DLC1: variants seen among roughly 807,000 people sequenced by gnomAD.
DLC1 encodes the protein DLC1 Rho GTPase activating protein, also known as rho GTPase-activating protein 7.
Under a neutral mutation model 140.3 loss-of-function variants are expected in DLC1, and 54 were observed. The observed-to-expected ratio is 0.38, with a 90% CI of 0.31 to 0.48. The LOEUF is 0.48. Among genes scored for constraint, DLC1 ranks in the 20% least tolerant of loss-of-function variants. The probability of loss-of-function intolerance (pLI) is 0.96; values close to 1 mark genes in which losing one functional copy is unlikely to be tolerated. For synonymous variants in DLC1, 986 were observed against 728.1 expected (o/e 1.35, Z -5.70); for missense variants, 2,536 against 1,907.0 (o/e 1.33, Z -6.14).
At chr8:13,300,742 G>A (rs1283721968) in intron 5 of DLC1, among the ~76,000 whole-genome samples, 1 of 152,164 alleles carries the variant, frequency 6.6e-6, no homozygotes, top group African/African-American at 2.4e-5. Context: ...ATGGACAAAT[G>A]GCCAGCCAGG....
chr8:13,406,863 T>C (rs539517141), intron 2 of DLC1, among the ~76,000 whole-genome samples: 1 of 152,326 alleles, frequency 6.6e-6, no homozygotes, highest in African/African-American at 2.4e-5. Flanking sequence ...ACAGTCTGCT[T>C]TTTTAATGAG....
chr8:13,403,231 T>A (rs1408091003), intron 2 of DLC1, among the ~76,000 whole-genome samples: 3 of 152,222 alleles, frequency 2.0e-5, no homozygotes, highest in Non-Finnish European at 4.4e-5. Flanking sequence ...TACATTTTTT[T>A]GTCATCATAA....
chr8:13,105,407 T>A (rs902289065), intron 7 of DLC1, among the ~76,000 whole-genome samples: 1 of 152,138 alleles, frequency 6.6e-6, no homozygotes, highest in African/African-American at 2.4e-5. Context: ...CCAGGCACTA[T>A]GCTAGGCACT....
In DLC1 at chr8:13,090,596, C is replaced by A. The variant is rs73552366; in HGVS notation, c.3856-126G>T. The A allele has an allele frequency of 9.4e-3, 10,064 of 1,066,194 alleles. 688 individuals carry two copies. The African/African-American group carries it at 0.14, about 15-fold the overall frequency. 66.0% of individuals were successfully genotyped at this position (1,066,194 alleles called of 1,614,324 possible). A position where few individuals can be genotyped will look rare whatever the true frequency, so the allele number is the denominator to read the frequency against. On this transcript the variant is annotated intron_variant, in intron 14 of 17. Coordinates refer to ENST00000276297, the MANE Select transcript of DLC1 (RefSeq NM_182643.3). ...TAAAGCAGTGCAGGCATCTTCCCGC[C>A]GGAGGTGGGCTATCATGCTGACCGC...
chr8:13,157,848 T>A (rs886846329), intron 5 of DLC1, among the ~76,000 whole-genome samples: 1 of 152,220 alleles, frequency 6.6e-6, no homozygotes, highest in Admixed American at 6.5e-5. Context: ...TGACGTTTTT[T>A]CCTCTCAATT....
At chr8:13,187,708 AT>A (rs1826465690) in intron 5 of DLC1, among the ~76,000 whole-genome samples, 1 of 152,190 alleles carries the variant, frequency 6.6e-6, no homozygotes, top group Non-Finnish European at 1.5e-5. Flanking sequence ...GAATGAGGAA[AT>A]TAATCAAAAT....
intron 1 of DLC1, among the ~76,000 whole-genome samples, chr8:13,580,620 G>A (rs1052510355): frequency 7.9e-5 from 12 of 152,202 alleles, no homozygotes; most frequent in African/African-American, 2.7e-4. Context: ...AAATATAGCT[G>A]AGATGACAAA....
At chr8:13,442,904 C>T (rs1379645528) in intron 2 of DLC1, among the ~76,000 whole-genome samples, 1 of 152,104 alleles carries the variant, frequency 6.6e-6, no homozygotes, top group African/African-American at 2.4e-5. Flanking sequence ...CACATGCACG[C>T]ATATGTTTAT....
chr8:13,442,299 G>A (rs551802516), intron 2 of DLC1, among the ~76,000 whole-genome samples: 1 of 152,154 alleles, frequency 6.6e-6, no homozygotes, highest in Non-Finnish European at 1.5e-5. Flanking sequence ...CATGGGCAAG[G>A]ACTTCATGTC....
chr8:13,454,195 T>C (rs933127946), intron 2 of DLC1, among the ~76,000 whole-genome samples: 1 of 152,116 alleles, frequency 6.6e-6, no homozygotes, highest in Non-Finnish European at 1.5e-5. Context: ...CTGAGAATCA[T>C]GTCTCCTGGG....
At chr8:13,308,917 T>G (rs923545772) in intron 4 of DLC1, among the ~76,000 whole-genome samples, 2 of 152,198 alleles carry the variant, frequency 1.3e-5, no homozygotes, top group African/African-American at 4.8e-5. Context: ...TCCCATCATG[T>G]CATATCTATT....
chr8:13,377,599 C>G (rs1283054589), intron 4 of DLC1, among the ~76,000 whole-genome samples: 1 of 152,104 alleles, frequency 6.6e-6, no homozygotes, highest in Admixed American at 6.5e-5. Context: ...GTCAAATATT[C>G]CCTTATCTAT....
At chr8:13,248,752 A>G (rs1281092103) in intron 5 of DLC1, among the ~76,000 whole-genome samples, 1 of 152,082 alleles carries the variant, frequency 6.6e-6, no homozygotes, top group Non-Finnish European at 1.5e-5. Context: ...AGCTGGGTGG[A>G]GCCAGTCTTT....
intron 2 of DLC1, among the ~76,000 whole-genome samples, chr8:13,472,895 C>T (rs1800274812): frequency 6.6e-6 from 1 of 152,112 alleles, no homozygotes; most frequent in Non-Finnish European, 1.5e-5. Flanking sequence ...AAACATTTCA[C>T]TCAGCACTAC....
rs1034988135 is a variant in DLC1, at chr8:13,440,952, G to A, written c.1024-39333C>T. Among the ~76,000 whole-genome samples, 4 of 151,994 alleles carry A rather than the reference G, an allele frequency of 2.6e-5. No homozygotes were observed. In the South Asian group the frequency reaches 8.3e-4, roughly 32 times the overall value. On this transcript the variant is annotated intron_variant, in intron 2 of 17. Transcript: ENST00000276297. ...GTGTCTTTATCAGCAGCATGAAAAC[G>A]GTGCTATTTTCATGAGCACTGCTTT...
At chr8:13,090,055 CA>C (rs1204434004) in intron 15 of DLC1, among the ~76,000 whole-genome samples, 196 bp downstream of exon 15, 1 of 152,190 alleles carries the variant, frequency 6.6e-6, no homozygotes, top group African/African-American at 2.4e-5. Flanking sequence ...AAGTGTTACA[CA>C]GGAAGAAAAT....
At chr8:13,555,995 T>C (rs1804032495) in intron 1 of DLC1, among the ~76,000 whole-genome samples, 1 of 152,112 alleles carries the variant, frequency 6.6e-6, no homozygotes, top group Non-Finnish European at 1.5e-5. Flanking sequence ...GAGTTCTAGA[T>C]GGCTGGTATA....
chr8:13,179,809 T>C (rs565004698), intron 5 of DLC1, among the ~76,000 whole-genome samples: 1 of 152,078 alleles, frequency 6.6e-6, no homozygotes, highest in African/African-American at 2.4e-5. Flanking sequence ...AAATAGATAT[T>C]AAACTATATA....
At chr8:13,552,029 A>ATG (rs201152749) in intron 1 of DLC1, among the ~76,000 whole-genome samples, 7 of 138,378 alleles carry the variant, frequency 5.1e-5, no homozygotes, top group African/African-American at 1.1e-4. Flanking sequence ...GTATATATAT[A>ATG]TGTGTGTGTG....
Sources: gnomAD v4.1 joint callset for allele counts (sites outside exome capture counted in the v4.1 genomes callset) on GRCh38, gnomAD v4.1.1 for gene constraint, MANE v1.5 for transcripts, NCBI Gene and HGNC (gene_info 2026-07-23, HGNC 2026-07-21) for gene names.